HDAC9: variants seen among roughly 807,000 people sequenced by gnomAD.
HDAC9 encodes the protein MEF-2 interacting transcription repressor (MITR) protein.
A neutral mutation model predicts 139.4 loss-of-function variants in HDAC9; 41 were observed. The ratio of observed to expected loss-of-function variants is 0.29; its 90% CI spans 0.23 to 0.38. HDAC9 has a LOEUF of 0.38. Among genes scored for constraint, HDAC9 ranks in the 10% least tolerant of loss-of-function variants. HDAC9 has a pLI of 1.00. For missense variants in HDAC9, 1,147 were observed against 1,297.0 expected, an observed-to-expected ratio of 0.88 and a Z score of 1.78; for synonymous variants, 517 against 476.2, an observed-to-expected ratio of 1.09 and a Z score of -1.12.
At chr7:18,496,088 A>G (rs1796858728) in intron 1 of HDAC9, 65 bp downstream of exon 1, 1 of 1,420,644 alleles carries the variant, frequency 7.0e-7, no homozygotes, top group African/African-American at 1.4e-5. Context: ...GCAGAAAGGA[A>G]ATCATTGTCG....
chr7:18,162,950 C>T (rs1401453668), intron 2 of HDAC9, among the ~76,000 whole-genome samples: 6 of 152,170 alleles, frequency 3.9e-5, no homozygotes, highest in Admixed American at 3.9e-4. Flanking sequence ...ATTTTTGGAG[C>T]AAACACAATC....
At chr7:18,752,159 T>C (rs1003588490) in intron 14 of HDAC9, among the ~76,000 whole-genome samples, 1 of 152,118 alleles carries the variant, frequency 6.6e-6, no homozygotes, top group African/African-American at 2.4e-5. Context: ...ACAAATACTT[T>C]AGCAATTTGC....
chr7:18,356,368 T>TTGTTG (rs1554388661), intron 1 of HDAC9, among the ~76,000 whole-genome samples: 1 of 142,428 alleles, frequency 7.0e-6, no homozygotes, highest in African/African-American at 2.6e-5. Context: ...GTTTTTTTTT[T>TTGTTG]TTTTTTTTTT....
intron 11 of HDAC9, among the ~76,000 whole-genome samples, chr7:18,658,039 C>T (rs1033756052): frequency 6.6e-6 from 1 of 152,106 alleles, no homozygotes. Flanking sequence ...CACGTCTTCT[C>T]ACGGTTTGAT....
chr7:18,805,365 G>C (rs952830279), intron 17 of HDAC9, among the ~76,000 whole-genome samples: 1 of 152,182 alleles, frequency 6.6e-6, no homozygotes, highest in Non-Finnish European at 1.5e-5. Context: ...GAGTTTGAGA[G>C]CTTATGTAAA....
At position 18,797,773 on chromosome 7, in the gene HDAC9, G is replaced by A. The variant is rs139165502; in HGVS notation, c.2322+4321G>A. Reference sequence around the variant, plus strand: ...GAACCCAGGAGGCAGGGGTTACAGTGAGCCGAGATTGCACTGCTGTACTCC... The same window carrying A: ...GAACCCAGGAGGCAGGGGTTACAGTAAGCCGAGATTGCACTGCTGTACTCC... On this transcript the variant is annotated intron_variant, in intron 17 of 25. Coordinates refer to ENST00000686413, the MANE Select transcript of HDAC9 (RefSeq NM_178425.4). Among the ~76,000 whole-genome samples, 1,197 of 152,074 alleles carry A rather than the reference G, an allele frequency of 7.9e-3. 8 individuals are homozygous for A. Among genetic ancestry groups the A allele is most frequent in the Non-Finnish European group, 0.012 (790 of 67,994 alleles).
At chr7:18,981,138 A>T (rs1174295480) in intron 25 of HDAC9, among the ~76,000 whole-genome samples, 5 of 152,086 alleles carry the variant, frequency 3.3e-5, no homozygotes, top group African/African-American at 1.2e-4. Flanking sequence ...TCTTCTTTTA[A>T]TATATTGGCC....
intron 22 of HDAC9, among the ~76,000 whole-genome samples, chr7:18,902,283 C>T (rs1023910072): frequency 3.9e-5 from 6 of 152,140 alleles, no homozygotes; most frequent in Non-Finnish European, 5.9e-5. Context: ...CTTCTCACTC[C>T]TGGGGCTGTT....
At chr7:18,414,428 T>C (rs1788858756) in intron 1 of HDAC9, among the ~76,000 whole-genome samples, 1 of 152,102 alleles carries the variant, frequency 6.6e-6, no homozygotes, top group Admixed American at 6.5e-5. Flanking sequence ...GAAATTAAAT[T>C]TAGTATTCAG....
intron 22 of HDAC9, among the ~76,000 whole-genome samples, chr7:18,899,689 C>T (rs958949102): frequency 6.6e-6 from 1 of 151,626 alleles, no homozygotes; most frequent in African/African-American, 2.4e-5. Flanking sequence ...ATCTATAAGC[C>T]TTGAACTATT....
At chr7:18,344,840 T>C (rs1253381487) in intron 1 of HDAC9, among the ~76,000 whole-genome samples, 1 of 152,026 alleles carries the variant, frequency 6.6e-6, no homozygotes, top group Admixed American at 6.6e-5. Flanking sequence ...CTAGCAAAAC[T>C]TTCTCTTTTT....
At chr7:18,526,970 A>G (rs1428298433) in intron 2 of HDAC9, among the ~76,000 whole-genome samples, 1 of 152,198 alleles carries the variant, frequency 6.6e-6, no homozygotes, top group African/African-American at 2.4e-5. Flanking sequence ...TCTACATTCT[A>G]GAGATTATAA....
At chr7:18,544,561 G>A (rs1289890287) in intron 2 of HDAC9, among the ~76,000 whole-genome samples, 1 of 152,172 alleles carries the variant, frequency 6.6e-6, no homozygotes, top group Non-Finnish European at 1.5e-5. Context: ...TACCAGGGCT[G>A]TGAGCATAGT....
chr7:18,911,318 G>C (rs1250561276), intron 22 of HDAC9, among the ~76,000 whole-genome samples: 1 of 151,690 alleles, frequency 6.6e-6, no homozygotes, highest in Non-Finnish European at 1.5e-5. Flanking sequence ...TAGTTGTATA[G>C]TTGGTGTCAG....
intron 1 of HDAC9, among the ~76,000 whole-genome samples, chr7:18,402,238 A>G (rs757598354): frequency 6.6e-6 from 1 of 152,182 alleles, no homozygotes; most frequent in Non-Finnish European, 1.5e-5. Flanking sequence ...ATATATCAAT[A>G]TAATATAATA....
chr7:18,092,925 C>T (rs1396223281), intron 1 of HDAC9, among the ~76,000 whole-genome samples: 4 of 152,180 alleles, frequency 2.6e-5, no homozygotes, highest in Non-Finnish European at 5.9e-5. Context: ...ATATTCCACG[C>T]ATGAAAGACT....
At chr7:18,988,385 C>T (rs564232559) in intron 25 of HDAC9, among the ~76,000 whole-genome samples, 2 of 152,140 alleles carry the variant, frequency 1.3e-5, no homozygotes, top group East Asian at 3.9e-4. Flanking sequence ...GAGTGAGCTT[C>T]TTAATCCTGA....
At chr7:18,384,485 A>G (rs1446889395) in intron 1 of HDAC9, among the ~76,000 whole-genome samples, 2 of 152,158 alleles carry the variant, frequency 1.3e-5, no homozygotes, top group African/African-American at 4.8e-5. Context: ...CAAAATTATG[A>G]AGGGAAACAT....
At chr7:18,176,983 CTTGAG>C (rs914131301) in intron 2 of HDAC9, among the ~76,000 whole-genome samples, 1 of 152,156 alleles carries the variant, frequency 6.6e-6, no homozygotes. Flanking sequence ...CATACCATAA[CTTGAG>C]TTAGGTAATG....
Sources: allele counts gnomAD v4.1 joint callset (sites outside exome capture counted in the v4.1 genomes callset), GRCh38; gene constraint gnomAD v4.1.1; transcripts MANE v1.5; gene names NCBI Gene and HGNC (gene_info 2026-07-23, HGNC 2026-07-21).